Variants in FAM167A observed in about 807,000 individuals in gnomAD.
The protein encoded by FAM167A is protein FAM167A.
In FAM167A, 23 loss-of-function variants were observed where a neutral mutation model predicts 14.9. The observed-to-expected ratio is 1.55, with a 90% CI of 1.11 to 2.19. The LOEUF is 2.19. FAM167A is among the 30% of genes most tolerant of loss of function. The pLI is 0.00. For synonymous variants in FAM167A, 174 were observed against 117.7 expected (o/e 1.48, Z -3.10); for missense variants, 401 against 281.5 (o/e 1.42, Z -3.04).
intron 1 of FAM167A, among the ~76,000 whole-genome samples, chr8:11,452,384 A>G (rs13439411): frequency 0.68 from 103,280 of 152,204 alleles, 35,294 homozygotes; most frequent in Non-Finnish European, 0.73. Flanking sequence ...GCCGGACATC[A>G]GGGCAAACAA....
upstream of FAM167A, among the ~76,000 whole-genome samples, chr8:11,469,346 A>G (rs546637015): frequency 2.0e-4 from 30 of 152,330 alleles, no homozygotes; most frequent in South Asian, 5.4e-3. Flanking sequence ...ACTACTCAAA[A>G]GGGAAGATGG....
chr8:11,452,937 G>T (rs182537536), intron 1 of FAM167A, among the ~76,000 whole-genome samples: 91 of 152,314 alleles, frequency 6.0e-4, no homozygotes, highest in Admixed American at 1.6e-3. Flanking sequence ...CACAGAGGCT[G>T]GCTGGTTCCC....
At position 11,462,745 on chromosome 8, in the gene FAM167A, C is replaced by T. The variant is rs529056750; in HGVS notation, c.-398+3881G>A. Among the ~76,000 whole-genome samples, 12 of 152,204 alleles carry T rather than the reference C, an allele frequency of 7.9e-5. No individual in the cohort carries two copies. The South Asian group carries it at 1.5e-3, about 18-fold the overall frequency. Reference sequence around the variant, plus strand: ...AACCTAGATGTATTCAAATCAGCAACGCCCACCCCTACCCCACTCGCAGCC... The same window carrying T: ...AACCTAGATGTATTCAAATCAGCAATGCCCACCCCTACCCCACTCGCAGCC... On this transcript the variant is annotated intron_variant, in intron 1 of 2. Coordinates refer to ENST00000284486, the MANE Select transcript of FAM167A (RefSeq NM_053279.3).
intron 1 of FAM167A, among the ~76,000 whole-genome samples, chr8:11,449,395 C>T (rs1806930455): frequency 6.6e-6 from 1 of 152,208 alleles, no homozygotes; most frequent in African/African-American, 2.4e-5. Flanking sequence ...CAGCACTGGG[C>T]AGCTTCCTGG....
chr8:11,467,976 G>C (rs1366531226), upstream of FAM167A, among the ~76,000 whole-genome samples: 2 of 152,176 alleles, frequency 1.3e-5, no homozygotes, highest in Non-Finnish European at 2.9e-5. Context: ...TCTGATTCCA[G>C]CTCCTAAACA....
chr8:11,457,699 G>A (rs553159519), intron 1 of FAM167A, among the ~76,000 whole-genome samples: 1 of 152,266 alleles, frequency 6.6e-6, no homozygotes, highest in East Asian at 1.9e-4. Flanking sequence ...AGTCCATCTG[G>A]CCCTTTGTCC....
chr8:11,435,109 C>G (rs927961726), intron 2 of FAM167A: 2 of 456,784 alleles, frequency 4.4e-6, no homozygotes, highest in Admixed American at 2.3e-5. Context: ...AAAGGTATCA[C>G]GGGACCCTCC....
Position 11,444,373 on chromosome 8 carries a change from T to C in FAM167A, c.39A>G (p.Ala13=), listed in dbSNP as rs148539546. Residue 13 remains alanine, a synonymous_variant, in exon 2 of 3, where the codon GCA becomes GCG. Coordinates refer to ENST00000284486, the MANE Select transcript of FAM167A (RefSeq NM_053279.3). ...VPQIHVEEVG[A]EEGAGAAAPP... ...GTGCGGCTGCTCCCGCCCCCTCTTC[T>C]GCACCCACTTCTTCCACGTGGATCT... The C allele has an allele frequency of 5.3e-5, 83 of 1,575,452 alleles. No homozygotes were observed. In the African/African-American group the frequency reaches 1.1e-3, roughly 20 times the overall value.
At chr8:11,465,731 T>C (rs911539855) in intron 1 of FAM167A, among the ~76,000 whole-genome samples, 3 of 152,212 alleles carry the variant, frequency 2.0e-5, no homozygotes, top group Non-Finnish European at 4.4e-5. Context: ...GGAAGCTGCT[T>C]TGGAGCATGT....
chr8:11,426,293 T>A (rs2116984804), intron 2 of FAM167A, among the ~76,000 whole-genome samples: 1 of 152,348 alleles, frequency 6.6e-6, no homozygotes, highest in African/African-American at 2.4e-5. Flanking sequence ...TCTTTGCTTG[T>A]AACTCCTGTC....
At chr8:11,460,734 C>G (rs1161969662) in intron 1 of FAM167A, among the ~76,000 whole-genome samples, 1 of 152,170 alleles carries the variant, frequency 6.6e-6, no homozygotes, top group Non-Finnish European at 1.5e-5. Flanking sequence ...ACACCAGAGC[C>G]ATCGAAAGAA....
upstream of FAM167A, among the ~76,000 whole-genome samples, chr8:11,471,724 G>T (rs962910852): frequency 6.6e-6 from 1 of 152,206 alleles, no homozygotes; most frequent in Non-Finnish European, 1.5e-5. Flanking sequence ...CAAGATGGCC[G>T]GGGGTCAGGG....
At chr8:11,450,112 C>G (rs1806964549) in intron 1 of FAM167A, among the ~76,000 whole-genome samples, 1 of 152,200 alleles carries the variant, frequency 6.6e-6, no homozygotes, top group Non-Finnish European at 1.5e-5. Context: ...TCCCGCCGGA[C>G]ACCATGCTCT....
chr8:11,462,502 G>C (rs907465445), intron 1 of FAM167A, among the ~76,000 whole-genome samples: 1 of 152,172 alleles, frequency 6.6e-6, no homozygotes, highest in Non-Finnish European at 1.5e-5. Context: ...CCATCGAATT[G>C]GGAAATGGCT....
At position 11,422,269 on chromosome 8, in the gene FAM167A, A is replaced by G. The variant is rs1245101759; in HGVS notation, c.*2104T>C. The G allele has an allele frequency of 6.4e-6, 1 of 155,686 alleles. No homozygotes were observed. The highest frequency in any genetic ancestry group is 2.4e-5 in the African/African-American group (1 of 41,408). The allele number at this position is 155,686 out of a possible 1,614,324, so 9.6% of individuals were successfully genotyped here. ...ACTGTAATGACTGATTTCCAAAAAG[A>G]AAGAAAAACCTAATTTGGCATTTTT... On this transcript the variant is annotated 3_prime_UTR_variant, in exon 3 of 3. Transcript: ENST00000284486.
chr8:11,428,355 G>C (rs992856116), intron 2 of FAM167A, among the ~76,000 whole-genome samples: 1 of 152,206 alleles, frequency 6.6e-6, no homozygotes, highest in Non-Finnish European at 1.5e-5. Flanking sequence ...CTAGAAAGAG[G>C]GCTGACAGTA....
At chr8:11,428,876 C>A (rs549685891) in intron 2 of FAM167A, among the ~76,000 whole-genome samples, 11 of 152,292 alleles carry the variant, frequency 7.2e-5, no homozygotes, top group African/African-American at 2.2e-4. Context: ...CAAATCCACA[C>A]GAGTTCCCAC....
chr8:11,427,936 C>T (rs1355245917), intron 2 of FAM167A, among the ~76,000 whole-genome samples: 2 of 152,042 alleles, frequency 1.3e-5, no homozygotes, highest in Non-Finnish European at 2.9e-5. Flanking sequence ...TAATGGTGTC[C>T]CTCACTGAGC....
chr8:11,446,070 T>C (rs1326003731), intron 1 of FAM167A, among the ~76,000 whole-genome samples: 1 of 149,852 alleles, frequency 6.7e-6, no homozygotes, highest in Admixed American at 6.6e-5. Flanking sequence ...GATTACTTGT[T>C]TGGAGTGAGG....
Sources: allele counts gnomAD v4.1 joint callset (sites outside exome capture counted in the v4.1 genomes callset), GRCh38; gene constraint gnomAD v4.1.1; transcripts MANE v1.5; gene names NCBI Gene and HGNC (gene_info 2026-07-23, HGNC 2026-07-21).